HSF2BP: variants seen among roughly 807,000 people sequenced by gnomAD.
HSF2BP encodes the protein heat shock transcription factor 2 binding protein.
In HSF2BP, 35 loss-of-function variants were observed where a neutral mutation model predicts 35.0. The observed-to-expected ratio is 1.00, with a 90% CI of 0.76 to 1.32. The LOEUF (loss-of-function observed/expected upper bound fraction) is 1.32, where lower values mean the gene tolerates loss of function less well. HSF2BP is among the 40% of genes most tolerant of loss of function. The pLI is 0.00. For synonymous variants in HSF2BP, 114 were observed against 117.4 expected, an observed-to-expected ratio of 0.97 and a Z score of 0.18; for missense variants, 326 against 321.7, an observed-to-expected ratio of 1.01 and a Z score of -0.10.
At chr21:43,589,264 C>T (rs75135869) in intron 8 of HSF2BP, among the ~76,000 whole-genome samples, 1,527 of 152,284 alleles carry the variant, frequency 0.01, 12 homozygotes, top group Non-Finnish European at 0.015. Flanking sequence ...GTCTGCTATA[C>T]ACACATCCTT....
chr21:43,653,319 T>C (rs1319537390), intron 3 of HSF2BP, among the ~76,000 whole-genome samples: 1 of 150,914 alleles, frequency 6.6e-6, no homozygotes, highest in Non-Finnish European at 1.5e-5. Context: ...GCAGAGACAG[T>C]AGGGTGCTCC....
chr21:43,576,248 G>A (rs1255326446), intron 8 of HSF2BP, among the ~76,000 whole-genome samples: 3 of 152,062 alleles, frequency 2.0e-5, no homozygotes, highest in African/African-American at 7.2e-5. Flanking sequence ...TGGAAAATAA[G>A]TCAATGGTTT....
chr21:43,624,737 T>C (rs1444933194), intron 6 of HSF2BP, among the ~76,000 whole-genome samples: 1 of 152,178 alleles, frequency 6.6e-6, no homozygotes, highest in Non-Finnish European at 1.5e-5. Flanking sequence ...AGGAGTACAA[T>C]CATGATTTTC....
intron 8 of HSF2BP, among the ~76,000 whole-genome samples, chr21:43,591,065 TA>T (rs891151254): frequency 2.0e-5 from 3 of 151,852 alleles, no homozygotes; most frequent in Middle Eastern, 3.4e-3. Context: ...GAACTGACAC[TA>T]AAAAAAAGAG....
chr21:43,637,087 G>A (rs908604997), intron 4 of HSF2BP, among the ~76,000 whole-genome samples: 7 of 150,454 alleles, frequency 4.7e-5, no homozygotes, highest in South Asian at 2.1e-4. Flanking sequence ...CCAGGAGTTC[G>A]AGACCAGCCT....
Position 43,608,156 on chromosome 21 carries a change from A to C in HSF2BP, c.692+5674T>G, listed in dbSNP as rs562484558. 9.7e-4 allele frequency among the ~76,000 whole-genome samples: 148 copies of C among 152,314 alleles called. 2 individuals are homozygous for C. The highest frequency in any genetic ancestry group is 3.4e-3 in the African/African-American group (140 of 41,582). On this transcript the variant is annotated intron_variant, in intron 7 of 8. Coordinates refer to ENST00000291560, the MANE Select transcript of HSF2BP (RefSeq NM_007031.2). ...AAAAAACTATCAACAGAGTAAACAG[A>C]CAACCTACAGAATGGGAGAAAATAT...
At chr21:43,653,346 C>G (rs911955228) in intron 3 of HSF2BP, among the ~76,000 whole-genome samples, 4 of 152,050 alleles carry the variant, frequency 2.6e-5, no homozygotes, top group Non-Finnish European at 4.4e-5. Context: ...ACCGAATAAT[C>G]AGCCAGGGAG....
At chr21:43,626,362 A>C (rs1451911779) in intron 6 of HSF2BP, among the ~76,000 whole-genome samples, 1 of 152,248 alleles carries the variant, frequency 6.6e-6, no homozygotes, top group Non-Finnish European at 1.5e-5. Flanking sequence ...ATTAAAGATC[A>C]ATGTAAAAAA....
At chr21:43,644,531 C>T (rs2082683284) in intron 3 of HSF2BP, 139 bp from the exon 4 acceptor site, 1 of 645,832 alleles carries the variant, frequency 1.5e-6, no homozygotes. Flanking sequence ...GACTTCTAGC[C>T]TGTCCTTGAA....
At chr21:43,633,992 TAAA>T (rs2082519101) in intron 4 of HSF2BP, among the ~76,000 whole-genome samples, 1 of 152,062 alleles carries the variant, frequency 6.6e-6, no homozygotes, top group Non-Finnish European at 1.5e-5. Flanking sequence ...CCAGTAAATA[TAAA>T]ATACAATCTG....
intron 6 of HSF2BP, among the ~76,000 whole-genome samples, chr21:43,628,943 T>A (rs1295083415): frequency 1.3e-5 from 2 of 152,224 alleles, no homozygotes; most frequent in Non-Finnish European, 2.9e-5. Flanking sequence ...CATGGTTTAC[T>A]GAATATTTTC....
intron 8 of HSF2BP, among the ~76,000 whole-genome samples, chr21:43,579,923 G>A (rs2081701575): frequency 6.6e-6 from 1 of 152,194 alleles, no homozygotes; most frequent in African/African-American, 2.4e-5. Flanking sequence ...TCTATTTTGT[G>A]GATGACAGAA....
chr21:43,622,010 T>C (rs1476632743), intron 6 of HSF2BP, among the ~76,000 whole-genome samples: 1 of 152,066 alleles, frequency 6.6e-6, no homozygotes, highest in African/African-American at 2.4e-5. Flanking sequence ...TAACAAAAAG[T>C]CAAAATATGG....
intron 6 of HSF2BP, among the ~76,000 whole-genome samples, chr21:43,628,923 C>G (rs1043386482): frequency 5.9e-5 from 9 of 152,184 alleles, no homozygotes; most frequent in African/African-American, 2.2e-4. Context: ...GACAGCACAC[C>G]TGTTTCCAGC....
At position 43,592,319 on chromosome 21, in the gene HSF2BP, C is replaced by G; in HGVS notation, c.702G>C (p.Leu234=). 6.2e-7 allele frequency: 1 copy of G among 1,608,940 alleles called. No individual in the cohort carries two copies. The highest frequency in any genetic ancestry group is 8.5e-7 in the Non-Finnish European group (1 of 1,175,390). ...GQCTKLKVLM[L]MSLYNVSINL... ...TGATGCTTACATTGTATAGGGACAT[C>G]AGCATTAGCCTGAAATGTAAAAGAA... is the stretch of plus-strand genomic sequence containing the variant. The change falls in exon 8 of 9, where the codon CTG becomes CTC. Residue 234 remains leucine (L), a synonymous_variant. Transcript: ENST00000291560.
In HSF2BP at chr21:43,577,267, C is replaced by T. The variant is rs1045181459; in HGVS notation, c.796+14958G>A. On this transcript the variant is annotated intron_variant, in intron 8 of 8. Coordinates refer to ENST00000291560, the MANE Select transcript of HSF2BP (RefSeq NM_007031.2). ...ATGAAGATGTTACCTCCAATTATCA[C>T]GCCTTCTTTATTTCCCTTTATTCTG... Among the ~76,000 whole-genome samples the T allele has an allele frequency of 3.3e-5, 5 of 152,324 alleles. No individual in the cohort carries two copies. The East Asian group carries it at 5.8e-4, about 18-fold the overall frequency.
rs1295908903 is a variant in HSF2BP, at chr21:43,603,590, G to A, written c.692+10240C>T. 4.6e-5 allele frequency among the ~76,000 whole-genome samples: 7 copies of A among 152,292 alleles called. No homozygotes were observed. In the East Asian group the frequency reaches 1.4e-3, roughly 29 times the overall value. On this transcript the variant is annotated intron_variant, in intron 7 of 8. Transcript: ENST00000291560. ...ACACCTGAGAGGCTGATGGGAATGG[G>A]GAAAATTACCCATGAGGTATGGCTA...
At chr21:43,598,565 GA>G (rs1462472567) in intron 7 of HSF2BP, among the ~76,000 whole-genome samples, 1 of 151,936 alleles carries the variant, frequency 6.6e-6, no homozygotes, top group African/African-American at 2.4e-5. Context: ...TCTGGAGCCA[GA>G]AAAGACAGAG....
chr21:43,625,016 T>C (rs989079849), intron 6 of HSF2BP, among the ~76,000 whole-genome samples: 1 of 152,194 alleles, frequency 6.6e-6, no homozygotes, highest in Non-Finnish European at 1.5e-5. Context: ...GTAGATTCAC[T>C]GAGCCAAACC....
Sources: gnomAD v4.1 joint callset for allele counts (sites outside exome capture counted in the v4.1 genomes callset) on GRCh38, gnomAD v4.1.1 for gene constraint, MANE v1.5 for transcripts, NCBI Gene and HGNC (gene_info 2026-07-23, HGNC 2026-07-21) for gene names.